Variants in CD109 observed in about 807,000 individuals in gnomAD.
The protein encoded by CD109 is CD109 molecule.
A neutral mutation model predicts 165.8 loss-of-function variants in CD109; 149 were observed. The ratio of observed to expected loss-of-function variants is 0.90; its 90% confidence interval spans 0.79 to 1.03. The LOEUF is 1.03. CD109 is among the 50% of genes least tolerant of loss of function. The pLI is 0.00. For synonymous variants in CD109, 585 were observed against 592.1 expected (o/e 0.99, Z 0.18); for missense variants, 1,712 against 1,677.8 (o/e 1.02, Z -0.36).
At chr6:73,759,315 A>T (rs1050813625) in intron 7 of CD109, among the ~76,000 whole-genome samples, 1 of 151,776 alleles carries the variant, frequency 6.6e-6, no homozygotes, top group Non-Finnish European at 1.5e-5. Flanking sequence ...TTCAGATGAC[A>T]TGGACTTGAA....
intron 22 of CD109, among the ~76,000 whole-genome samples, chr6:73,791,164 T>TATATATACATACAC (rs1774933976): frequency 1.6e-5 from 1 of 64,100 alleles, no homozygotes; most frequent in African/African-American, 7.3e-5. Flanking sequence ...TATATATATA[T>TATATATACATACAC]ATATATATAT....
Position 73,783,786 on chromosome 6 carries a change from G to A in CD109, c.2185G>A (p.Glu729Lys), listed in dbSNP as rs1471687309. Residue 729 changes from glutamate to lysine, a missense_variant, in exon 19 of 33, where the codon GAG becomes AAG. Coordinates refer to ENST00000287097, the MANE Select transcript of CD109 (RefSeq NM_133493.5). ...GGTGGCTACTGGTTTTGTGATCTCT[G>A]AGGACCTGGGTCTTGGACTAACAAC... Reference protein sequence around the residue: ...SWVATGFVISEDLGLGLTTTP... With the variant: ...SWVATGFVISKDLGLGLTTTP... 5.0e-6 allele frequency: 8 copies of A among 1,611,912 alleles called. No individual in the cohort carries two copies. In the Admixed American group the frequency reaches 6.7e-5, roughly 13 times the overall value.
At chr6:73,790,848 C>T (rs919667245) in intron 22 of CD109, among the ~76,000 whole-genome samples, 1 of 152,024 alleles carries the variant, frequency 6.6e-6, no homozygotes, top group East Asian at 1.9e-4. Context: ...CTCACAGACA[C>T]TCAGAAGCAA....
chr6:73,760,366 C>T (rs1469759566), intron 7 of CD109, among the ~76,000 whole-genome samples: 1 of 132,060 alleles, frequency 7.6e-6, no homozygotes, highest in Non-Finnish European at 1.5e-5. Flanking sequence ...GAGATTGTGC[C>T]ACTGCAGTCC....
chr6:73,752,126 A>G (rs538481250), intron 5 of CD109, among the ~76,000 whole-genome samples: 2 of 152,232 alleles, frequency 1.3e-5, no homozygotes, highest in Non-Finnish European at 1.5e-5. Context: ...CCATAAAAGA[A>G]CATAATGAAC....
chr6:73,814,230 C>T (rs553341969), intron 29 of CD109, among the ~76,000 whole-genome samples: 1 of 151,848 alleles, frequency 6.6e-6, no homozygotes, highest in South Asian at 2.1e-4. Flanking sequence ...GAAAACACAA[C>T]CTTACAAAGC....
chr6:73,730,625 C>T (rs1213297024), intron 4 of CD109, 51 bp downstream of exon 4: 1 of 1,203,192 alleles, frequency 8.3e-7, no homozygotes, highest in African/African-American at 1.5e-5. Context: ...CTTACTAAAC[C>T]CCTCTGGGAA....
intron 3 of CD109, among the ~76,000 whole-genome samples, chr6:73,723,910 C>A (rs1772044895): frequency 6.6e-6 from 1 of 151,854 alleles, no homozygotes; most frequent in African/African-American, 2.4e-5. Flanking sequence ...TAAAAAAAAA[C>A]AAGGCATCTG....
At chr6:73,766,199 A>G in intron 11 of CD109, 45 bp downstream of exon 11, 2 of 1,461,192 alleles carry the variant, frequency 1.4e-6, no homozygotes, top group Non-Finnish European at 1.9e-6. Context: ...CAACACCATT[A>G]CAGTTGTAAT....
At chr6:73,809,772 A>T (rs1194765614) in intron 26 of CD109, among the ~76,000 whole-genome samples, 2 of 152,152 alleles carry the variant, frequency 1.3e-5, no homozygotes, top group African/African-American at 2.4e-5. Flanking sequence ...GTAATAGTTT[A>T]AAAAAGCAAC....
chr6:73,696,199 A>AG, upstream of CD109: 2 of 1,544,886 alleles, frequency 1.3e-6, no homozygotes, highest in Non-Finnish European at 1.7e-6. Flanking sequence ...ACTGTAGCCC[A>AG]GGCAGACGCC....
At chr6:73,774,307 C>G (rs1040253155) in intron 15 of CD109, among the ~76,000 whole-genome samples, 1 of 152,134 alleles carries the variant, frequency 6.6e-6, no homozygotes, top group Non-Finnish European at 1.5e-5. Context: ...GCATAAGGTT[C>G]CAATCTGTGT....
At chr6:73,685,949 A>T in the CD109 span, among the ~76,000 whole-genome samples, 68 of 152,294 alleles carry the variant, frequency 4.5e-4, 2 homozygotes, top group East Asian at 0.012. Context: ...TAGGACTTGT[A>T]GTACTATATG....
intron 30 of CD109, 45 bp from the exon 31 acceptor site, chr6:73,818,343 G>A (rs1190238689): frequency 6.2e-7 from 1 of 1,606,582 alleles, no homozygotes; most frequent in African/African-American, 1.3e-5. Context: ...AACAGCTATG[G>A]GTTTTTCCTG....
intron 23 of CD109, among the ~76,000 whole-genome samples, chr6:73,799,279 GAACATGTA>G (rs1775279770): frequency 6.6e-6 from 1 of 151,994 alleles, no homozygotes; most frequent in Non-Finnish European, 1.5e-5. Context: ...TTTATGTTTT[GAACATGTA>G]GAACATTAAC....
chr6:73,825,472 C>T lies in CD109; in HGVS notation c.*1839C>T, dbSNP rs1281495583. 4 of 152,170 alleles carry T rather than the reference C, an allele frequency of 2.6e-5. No homozygotes were observed. The highest frequency in any genetic ancestry group is 9.7e-5 in the African/African-American group (4 of 41,446). 9.4% of individuals were successfully genotyped at this position (152,170 alleles called of 1,614,324 possible). A position where few individuals can be genotyped will look rare whatever the true frequency, so the allele number is the denominator to read the frequency against. On this transcript the variant is annotated 3_prime_UTR_variant, in exon 33 of 33. Coordinates refer to ENST00000287097, the MANE Select transcript of CD109 (RefSeq NM_133493.5). ...GGTCTTGGCAAAGGACTTTCCCCTC[C>T]TCTTTCCTGGCCTGGGAACCTTATA...
At chr6:73,679,816 G>A in the CD109 span, among the ~76,000 whole-genome samples, 2 of 152,012 alleles carry the variant, frequency 1.3e-5, no homozygotes, top group Non-Finnish European at 2.9e-5. Context: ...TGTGTTTTTA[G>A]TAGAGATGGG....
intron 2 of CD109, among the ~76,000 whole-genome samples, chr6:73,711,544 T>A (rs113703133): frequency 1.3e-4 from 3 of 22,264 alleles, no homozygotes; most frequent in Admixed American, 6.4e-4. Context: ...GTTTTTTTTT[T>A]TTTTTTTGAG....
At chr6:73,730,791 G>T (rs10805974) in intron 4 of CD109, among the ~76,000 whole-genome samples, 2 of 151,846 alleles carry the variant, frequency 1.3e-5, no homozygotes, top group African/African-American at 4.8e-5. Context: ...CCAGGCCTGG[G>T]GTCTTCATTG....
Sources: allele counts gnomAD v4.1 joint callset (sites outside exome capture counted in the v4.1 genomes callset), GRCh38; gene constraint gnomAD v4.1.1; transcripts MANE v1.5; gene names NCBI Gene and HGNC (gene_info 2026-07-23, HGNC 2026-07-21).